Variants in ANO2 observed in about 807,000 individuals in gnomAD.
ANO2 encodes the protein anoctamin 2.
A neutral mutation model predicts 124.2 loss-of-function variants in ANO2; 101 were observed. That is an observed-to-expected ratio of 0.81 (90% CI 0.69 to 0.96). The LOEUF is 0.96. ANO2 is among the 40% of genes least tolerant of loss of function. The pLI is 0.00. For missense variants in ANO2, 1,293 were observed against 1,274.5 expected, an observed-to-expected ratio of 1.01 and a Z score of -0.22; for synonymous variants, 486 against 482.5, an observed-to-expected ratio of 1.01 and a Z score of -0.09.
At chr12:5,812,394 A>AG (rs1953427691) in intron 7 of ANO2, among the ~76,000 whole-genome samples, 1 of 136,920 alleles carries the variant, frequency 7.3e-6, no homozygotes, top group Non-Finnish European at 1.6e-5. Context: ...AAAGAAGGGA[A>AG]GGAAGGAAGG....
rs1020716723 is a variant in ANO2 at position 5,769,553 on chromosome 12, T to C, written c.1056-18583A>G. On this transcript the variant is annotated intron_variant, in intron 10 of 24. Transcript: ENST00000682330. The surrounding 1 kb of genome is among the most constrained non-coding windows in gnomAD (Gnocchi z 4.0). ...AAACCGAGTCACAGCATTGGCAGAATCCTCATCTGAATCCAAGAGAAACGG... is the reference window on the plus strand; with the variant it reads ...AAACCGAGTCACAGCATTGGCAGAACCCTCATCTGAATCCAAGAGAAACGG... 2.0e-5 allele frequency among the ~76,000 whole-genome samples: 3 copies of C among 152,012 alleles called. No individual in the cohort carries two copies. The highest frequency in any genetic ancestry group is 7.3e-5 in the African/African-American group (3 of 41,372).
chr12:5,760,719 C>T (rs1174090237), intron 10 of ANO2, among the ~76,000 whole-genome samples: 1 of 152,054 alleles, frequency 6.6e-6, no homozygotes, highest in Non-Finnish European at 1.5e-5. Context: ...ATATCTGGAC[C>T]CCTAGCTTAA....
chr12:5,826,213 G>C (rs1035256178), intron 7 of ANO2, among the ~76,000 whole-genome samples: 1 of 152,214 alleles, frequency 6.6e-6, no homozygotes, highest in African/African-American at 2.4e-5. Context: ...GTTGTATTAC[G>C]TTAGGTGTAA....
chr12:5,846,315 T>C (rs968400580), intron 4 of ANO2, among the ~76,000 whole-genome samples: 1 of 152,202 alleles, frequency 6.6e-6, no homozygotes, highest in East Asian at 1.9e-4. Flanking sequence ...ATCATAGACA[T>C]GCCAAGGTCA....
chr12:5,917,085 G>C (rs1463721063), intron 3 of ANO2, among the ~76,000 whole-genome samples: 1 of 152,152 alleles, frequency 6.6e-6, no homozygotes, highest in African/African-American at 2.4e-5. Flanking sequence ...CTGAGAGGGA[G>C]GAGTCTGGGT....
intron 14 of ANO2, 53 bp from the exon 15 acceptor site, chr12:5,647,854 T>C: frequency 7.5e-7 from 1 of 1,338,480 alleles, no homozygotes; most frequent in Non-Finnish European, 1.1e-6. Flanking sequence ...TAACAGATAT[T>C]AATTTGCTCT....
In ANO2 at chr12:5,769,480, G is replaced by C. The variant is rs1952006556; in HGVS notation, c.1056-18510C>G. 6.6e-6 allele frequency among the ~76,000 whole-genome samples: 1 copy of C among 152,192 alleles called. No individual in the cohort carries two copies. On this transcript the variant is annotated intron_variant, in intron 10 of 24. Coordinates refer to ENST00000682330, the MANE Select transcript of ANO2 (RefSeq NM_001364791.2). The surrounding 1 kb of genome is among the most constrained non-coding windows in gnomAD (Gnocchi z 4.0). ...AGGTAAGTAAGTAAGGCATACAAGA[G>C]ATGAGAGCTAGGAAAGTAAATTACA...
chr12:5,930,223 C>G (rs371855584), intron 1 of ANO2, among the ~76,000 whole-genome samples: 4 of 151,950 alleles, frequency 2.6e-5, no homozygotes, highest in East Asian at 2.0e-4. Context: ...GAAGGAGCCA[C>G]ATTCTGTTTA....
At chr12:5,675,119 G>A (rs1948177639) in intron 14 of ANO2, among the ~76,000 whole-genome samples, 1 of 152,194 alleles carries the variant, frequency 6.6e-6, no homozygotes, top group South Asian at 2.1e-4. Flanking sequence ...ATGGATGGAT[G>A]AATGAATGTA....
In ANO2 at chr12:5,625,274, A is replaced by G. The variant is rs894549194; in HGVS notation, c.1816+9878T>C. On this transcript the variant is annotated intron_variant, in intron 16 of 24. Coordinates refer to ENST00000682330, the MANE Select transcript of ANO2 (RefSeq NM_001364791.2). ...GTTGTTGTCCAGGCACAAACCAGTCAATATGAGGATGAAACTTGTGAAAAA... is the reference window on the plus strand; with the variant it reads ...GTTGTTGTCCAGGCACAAACCAGTCGATATGAGGATGAAACTTGTGAAAAA... Among the ~76,000 whole-genome samples, 4 of 152,144 alleles carry G rather than the reference A, an allele frequency of 2.6e-5. No individual in the cohort carries two copies. The East Asian group carries it at 7.7e-4, about 29-fold the overall frequency.
rs886734158 is a variant in ANO2, at chr12:5,900,728, A to C, written c.534+20312T>G. 1.8e-4 allele frequency among the ~76,000 whole-genome samples: 28 copies of C among 152,194 alleles called. No homozygotes were observed. The highest frequency in any genetic ancestry group is 6.5e-4 in the African/African-American group (27 of 41,442). Reference sequence around the variant, plus strand: ...GTGGGGCCGGGACAGGAAATGGCCAAGCACACAGCATCTTCCCAACCTCCC... The same window carrying C: ...GTGGGGCCGGGACAGGAAATGGCCACGCACACAGCATCTTCCCAACCTCCC... On this transcript the variant is annotated intron_variant, in intron 3 of 24. Coordinates refer to ENST00000682330, the MANE Select transcript of ANO2 (RefSeq NM_001364791.2). This position sits in a 1 kb window ranked among gnomAD's most constrained non-coding sequence, Gnocchi z 4.2.
chr12:5,621,020 T>C (rs1945091881), intron 16 of ANO2, among the ~76,000 whole-genome samples: 1 of 152,060 alleles, frequency 6.6e-6, no homozygotes, highest in Non-Finnish European at 1.5e-5. Flanking sequence ...TTGGCCTGAT[T>C]CTCATTCCCC....
chr12:5,841,701 C>G (rs1954520316), intron 4 of ANO2, among the ~76,000 whole-genome samples: 1 of 152,060 alleles, frequency 6.6e-6, no homozygotes, highest in Non-Finnish European at 1.5e-5. Context: ...CTGGAAGGTT[C>G]TCACCTGATC....
chr12:5,802,110 C>G (rs1953059923), intron 9 of ANO2, among the ~76,000 whole-genome samples: 1 of 152,216 alleles, frequency 6.6e-6, no homozygotes, highest in African/African-American at 2.4e-5. Flanking sequence ...TGCCACTGCC[C>G]TGAAGGCAAA....
In ANO2 at chr12:5,658,091, C is replaced by T. The variant is rs1044404059; in HGVS notation, c.1546-10290G>A. ...CTCTCCTCATCCCCCTTTTCTTCTTCCTTGCTGGAGGGCATCTCACCATGT... is the reference window on the plus strand; with the variant it reads ...CTCTCCTCATCCCCCTTTTCTTCTTTCTTGCTGGAGGGCATCTCACCATGT... On this transcript the variant is annotated intron_variant, in intron 14 of 24. Coordinates refer to ENST00000682330, the MANE Select transcript of ANO2 (RefSeq NM_001364791.2). This position sits in a 1 kb window ranked among gnomAD's most constrained non-coding sequence, Gnocchi z 4.3. 2.1e-5 allele frequency among the ~76,000 whole-genome samples: 2 copies of T among 94,462 alleles called. No individual in the cohort carries two copies. Among genetic ancestry groups the T allele is most frequent in the African/African-American group, 5.9e-5 (2 of 33,960 alleles). The allele number at this position is 94,462 out of a possible 152,430, so 62.0% of individuals were successfully genotyped here.
At chr12:5,946,142 A>G, upstream of ANO2, 2 of 1,613,862 alleles carry the variant, frequency 1.2e-6, no homozygotes, top group Non-Finnish European at 1.7e-6. This position sits in a 1 kb window ranked among gnomAD's most constrained non-coding sequence, Gnocchi z 4.1. Flanking sequence ...GCCATTTGTG[A>G]TCACTGACCT....
intron 13 of ANO2, 121 bp from the exon 14 acceptor site, chr12:5,732,751 A>G: frequency 1.9e-6 from 3 of 1,540,622 alleles, no homozygotes; most frequent in Non-Finnish European, 2.7e-6. Flanking sequence ...TTGGATATGA[A>G]CTGCCCCACC....
At chr12:5,935,283 A>C (rs1942600426) in intron 1 of ANO2, among the ~76,000 whole-genome samples, 1 of 152,124 alleles carries the variant, frequency 6.6e-6, no homozygotes, top group Non-Finnish European at 1.5e-5. Context: ...TTGAGGGCAG[A>C]GTGTGAGAAA....
intron 3 of ANO2, among the ~76,000 whole-genome samples, chr12:5,860,791 T>C (rs1955245002): frequency 6.6e-6 from 1 of 152,140 alleles, no homozygotes; most frequent in Admixed American, 6.5e-5. Context: ...TTCCCTTTCC[T>C]AGAGGCCAAA....
Sources: allele counts gnomAD v4.1 joint callset (sites outside exome capture counted in the v4.1 genomes callset), GRCh38; gene constraint gnomAD v4.1.1; non-coding constraint Gnocchi (gnomAD v3.1); transcripts MANE v1.5; gene names NCBI Gene and HGNC (gene_info 2026-07-23, HGNC 2026-07-21).